Variants in CTNS observed in about 807,000 individuals in gnomAD.
CTNS encodes cystinosin, lysosomal cystine transporter.
Under a neutral mutation model 43.7 loss-of-function variants are expected in CTNS, and 27 were observed. That is an observed-to-expected ratio of 0.62 (90% CI 0.46 to 0.85). CTNS has a LOEUF of 0.85. Among genes scored for constraint, CTNS ranks in the 40% least tolerant of loss-of-function variants. CTNS has a pLI of 0.00. For synonymous variants in CTNS, 187 were observed against 190.6 expected (o/e 0.98, Z 0.16); for missense variants, 457 against 475.4 (o/e 0.96, Z 0.36).
At position 3,648,876 on chromosome 17, in the gene CTNS, C is replaced by G. The variant is rs1223083919; in HGVS notation, c.170C>G (p.Thr57Ser). 6.2e-6 allele frequency: 10 copies of G among 1,613,958 alleles called. No individual in the cohort carries two copies. The highest frequency in any genetic ancestry group is 8.5e-6 in the Non-Finnish European group (10 of 1,179,920). The change falls in exon 5 of 12, where the codon ACT (threonine) becomes AGT (serine). Residue 57 changes from threonine (T) to serine (S), a missense_variant. By Grantham distance (58) the Thr-to-Ser change is moderately conservative. Transcript: ENST00000046640. ...RPPLNATLVI[T>S]FEITFRSKNI... ...CCATTAAATGCAACCCTGGTGATCACTTTTGAAATCACATTTCGTTCCAAA... is the reference window on the plus strand; with the variant it reads ...CCATTAAATGCAACCCTGGTGATCAGTTTTGAAATCACATTTCGTTCCAAA...
intron 7 of CTNS, chr17:3,655,706 T>C: frequency 2.8e-6 from 1 of 354,004 alleles, no homozygotes; most frequent in Non-Finnish European, 5.5e-6. Flanking sequence ...GTAGTCTCGG[T>C]CTTTGGGACG....
intron 3 of CTNS, among the ~76,000 whole-genome samples, chr17:3,641,384 A>ATATATATTTTTTTTTTTT (rs1555558526): frequency 3.2e-5 from 1 of 31,204 alleles, no homozygotes; most frequent in African/African-American, 2.3e-4. Context: ...ATATATATAT[A>ATATATATTTTTTTTTTTT]TTTTTTTTTT....
Position 3,660,947 on chromosome 17 carries a change from AC to A in CTNS, c.*581del. The A allele has an allele frequency of 1.4e-6, 1 of 691,284 alleles. No homozygotes were observed. The highest frequency in any genetic ancestry group is 2.4e-6 in the Non-Finnish European group (1 of 411,590). The allele number at this position is 691,284 out of a possible 1,614,324, so 42.8% of individuals were successfully genotyped here. The stretch of plus-strand genomic sequence containing the variant: ...CGTGACTGCAGTAACAGCCAGCCCT[AC>A]CCAGAGTATTTCTGAGCCATGAGGG... On this transcript the variant is annotated 3_prime_UTR_variant, in exon 12 of 12. Transcript: ENST00000046640.
Position 3,655,195 on chromosome 17 carries a change from A to G in CTNS, c.330-26A>G. 4 of 1,614,150 alleles carry G rather than the reference A, an allele frequency of 2.5e-6. No homozygotes were observed. The South Asian group carries it at 4.4e-5, about 18-fold the overall frequency. On this transcript the variant is annotated intron_variant, in intron 6 of 11. Transcript: ENST00000046640. ...TCCTTCAGAAGCCCAGCCTCAGCTCATCCCGGTCCCCAAACTCCTTTCCAG... is the reference window on the plus strand; with the variant it reads ...TCCTTCAGAAGCCCAGCCTCAGCTCGTCCCGGTCCCCAAACTCCTTTCCAG...
rs946501710 is a variant in CTNS, at chr17:3,662,181, G to C, written c.*1812G>C. Among the ~76,000 whole-genome samples the C allele has an allele frequency of 6.6e-6, 1 of 152,010 alleles. No homozygotes were observed. Among genetic ancestry groups the C allele is most frequent in the African/African-American group, 2.4e-5 (1 of 41,388 alleles). ...CAAAAATTAGCTGGGCATGGTGGCGGGCACCTGTAATCCCAGCTACTTGGT... is the reference window on the plus strand; with the variant it reads ...CAAAAATTAGCTGGGCATGGTGGCGCGCACCTGTAATCCCAGCTACTTGGT... On this transcript the variant is annotated 3_prime_UTR_variant, in exon 12 of 12. Coordinates refer to ENST00000046640, the MANE Select transcript of CTNS (RefSeq NM_004937.3).
intron 5 of CTNS, 59 bp from the exon 6 acceptor site, chr17:3,654,939 C>A: frequency 8.1e-7 from 1 of 1,227,742 alleles, no homozygotes; most frequent in Non-Finnish European, 1.2e-6. Flanking sequence ...GAGCTAGATG[C>A]CAGCGGGGTC....
At chr17:3,649,393 G>T (rs1371432610) in intron 5 of CTNS, among the ~76,000 whole-genome samples, 1 of 151,626 alleles carries the variant, frequency 6.6e-6, no homozygotes, top group African/African-American at 2.4e-5. Flanking sequence ...CGGAGGTTGG[G>T]GTGAGCCTAG....
intron 4 of CTNS, among the ~76,000 whole-genome samples, chr17:3,648,412 T>G (rs1007556081): frequency 5.3e-5 from 8 of 152,184 alleles, no homozygotes; most frequent in Admixed American, 5.2e-4. Flanking sequence ...ATCTGCCTTC[T>G]CCCGTCAGAT....
chr17:3,659,716 C>G, intron 10 of CTNS, 142 bp from the exon 11 acceptor site: 4 of 719,256 alleles, frequency 5.6e-6, no homozygotes, highest in South Asian at 1.5e-5. Context: ...TGTCATAGCC[C>G]AAAGGTCACC....
chr17:3,644,887 C>T (rs1256438533), intron 3 of CTNS, among the ~76,000 whole-genome samples: 3 of 152,186 alleles, frequency 2.0e-5, no homozygotes, highest in Non-Finnish European at 4.4e-5. Flanking sequence ...AGGTGTGAGC[C>T]GCTGTGCCCG....
Position 3,656,763 on chromosome 17 carries a change from C to T in CTNS, c.649C>T (p.Leu217=). 1 of 1,613,426 alleles carries T rather than the reference C, an allele frequency of 6.2e-7. No homozygotes were observed. ...FFSLHAVVLT[L]IIIVQCCLYE... ...CAGCCTGCACGCGGTTGTCCTCACG[C>T]TGATCATCATCGTGCAGTGCTGCCT... Residue 217 remains leucine, a synonymous_variant, in exon 9 of 12, where the codon CTG becomes TTG. Coordinates refer to ENST00000046640, the MANE Select transcript of CTNS (RefSeq NM_004937.3).
chr17:3,650,738 C>T (rs937088873), intron 5 of CTNS, among the ~76,000 whole-genome samples: 4 of 152,108 alleles, frequency 2.6e-5, no homozygotes, highest in African/African-American at 7.2e-5. Context: ...CTGATTGCTT[C>T]GTTTAGGGCC....
chr17:3,644,650 G>A (rs1455677208), intron 3 of CTNS, among the ~76,000 whole-genome samples: 1 of 152,104 alleles, frequency 6.6e-6, no homozygotes, highest in African/African-American at 2.4e-5. Flanking sequence ...ATTTTTAGTA[G>A]AGACAGGGTT....
At chr17:3,647,854 G>T (rs1306895820) in intron 4 of CTNS, among the ~76,000 whole-genome samples, 2 of 152,234 alleles carry the variant, frequency 1.3e-5, no homozygotes, top group Non-Finnish European at 2.9e-5. Context: ...CTAAGTATTT[G>T]AAGAGAGCCC....
intron 3 of CTNS, among the ~76,000 whole-genome samples, chr17:3,642,417 G>A (rs1003659331): frequency 8.5e-5 from 13 of 152,188 alleles, no homozygotes; most frequent in African/African-American, 2.9e-4. Flanking sequence ...GCCAGGTGCT[G>A]TAGTTCACGC....
At chr17:3,646,848 G>C (rs907254019) in intron 3 of CTNS, among the ~76,000 whole-genome samples, 6 of 152,176 alleles carry the variant, frequency 3.9e-5, no homozygotes, top group Non-Finnish European at 8.8e-5. Flanking sequence ...AGAAATCTCA[G>C]AGTGAAACAA....
chr17:3,648,111 CTGA>C (rs1177462061), intron 4 of CTNS, among the ~76,000 whole-genome samples: 2 of 152,222 alleles, frequency 1.3e-5, no homozygotes, highest in African/African-American at 4.8e-5. Flanking sequence ...TGAGGATTCC[CTGA>C]TGAAGAAGAC....
chr17:3,653,182 C>T (rs1484654794), intron 5 of CTNS, among the ~76,000 whole-genome samples: 3 of 152,066 alleles, frequency 2.0e-5, no homozygotes, highest in Non-Finnish European at 1.5e-5. Flanking sequence ...GAGGCCGAAG[C>T]GGGTGGATCA....
At chr17:3,643,373 T>C (rs149883949) in intron 3 of CTNS, among the ~76,000 whole-genome samples, 144 of 152,038 alleles carry the variant, frequency 9.5e-4, no homozygotes, top group African/African-American at 2.5e-3. Flanking sequence ...GGGAGCTCGG[T>C]GTATAGCAGA....
Sources: gnomAD v4.1 joint callset for allele counts (sites outside exome capture counted in the v4.1 genomes callset) on GRCh38, gnomAD v4.1.1 for gene constraint, MANE v1.5 for transcripts, NCBI Gene and HGNC (gene_info 2026-07-23, HGNC 2026-07-21) for gene names.